The following SPTLC2 variants were observed in gnomAD, a reference collection of about 807,000 sequenced individuals.
The protein encoded by SPTLC2 is serine palmitoyltransferase 2.
In SPTLC2, 21 loss-of-function variants were observed where a neutral mutation model predicts 62.0. The ratio of observed to expected loss-of-function variants is 0.34; its 90% confidence interval spans 0.24 to 0.49. The LOEUF (loss-of-function observed/expected upper bound fraction) is 0.49. Among genes scored for constraint, SPTLC2 ranks in the 20% least tolerant of loss-of-function variants. The pLI is 0.99. For missense variants in SPTLC2, 511 were observed against 713.0 expected, an observed-to-expected ratio of 0.72 and a Z score of 3.23; for synonymous variants, 261 against 261.8, an observed-to-expected ratio of 1.00 and a Z score of 0.03.
At chr14:77,578,889 C>A in intron 3 of SPTLC2, 66 bp downstream of exon 3, 1 of 1,539,860 alleles carries the variant, frequency 6.5e-7, no homozygotes, top group Non-Finnish European at 9.0e-7. Flanking sequence ...TTTATAATAA[C>A]ATATTTTCTC....
intron 5 of SPTLC2, among the ~76,000 whole-genome samples, chr14:77,565,627 C>T (rs895167182): frequency 1.3e-5 from 2 of 152,108 alleles, no homozygotes; most frequent in Admixed American, 6.6e-5. Flanking sequence ...GGGACCAGTA[C>T]CCTTCAGAAG....
intron 8 of SPTLC2, among the ~76,000 whole-genome samples, chr14:77,553,456 G>C (rs536444837): frequency 3.9e-5 from 6 of 152,110 alleles, no homozygotes; most frequent in Non-Finnish European, 8.8e-5. Context: ...ACCTGGCCAG[G>C]TGCAGTGGCT....
intron 10 of SPTLC2, among the ~76,000 whole-genome samples, chr14:77,518,926 C>T (rs1486529972): frequency 1.3e-5 from 2 of 152,222 alleles, no homozygotes; most frequent in Admixed American, 6.5e-5. Flanking sequence ...CCACACAATT[C>T]GTATTTAACA....
intron 2 of SPTLC2, 38 bp downstream of exon 2, chr14:77,597,148 G>A: frequency 1.3e-6 from 2 of 1,597,022 alleles, no homozygotes; most frequent in Non-Finnish European, 1.7e-6. Flanking sequence ...TCCATAAAAG[G>A]CTTCTATTTA....
In SPTLC2 at chr14:77,506,224, A is replaced by T. The variant is rs558004017; in HGVS notation, c.*6060T>A. 2.6e-5 allele frequency: 4 copies of T among 152,346 alleles called. No homozygotes were observed. The highest frequency in any genetic ancestry group is 9.6e-5 in the African/African-American group (4 of 41,574). The allele number at this position is 152,346 out of a possible 1,614,324, so 9.4% of individuals were successfully genotyped here. On this transcript the variant is annotated 3_prime_UTR_variant, in exon 12 of 12. Coordinates refer to ENST00000216484, the MANE Select transcript of SPTLC2 (RefSeq NM_004863.4). The stretch of plus-strand genomic sequence containing the variant: ...ACAGGGTAAGAGAGAGTGACATTTT[A>T]ACACATTACTAAAATGTTTAAGCTT...
At chr14:77,582,717 A>G (rs1384676243) in intron 2 of SPTLC2, among the ~76,000 whole-genome samples, 1 of 152,220 alleles carries the variant, frequency 6.6e-6, no homozygotes, top group East Asian at 1.9e-4. Flanking sequence ...TCTCCTTAAC[A>G]AGTGATTAAG....
At chr14:77,535,886 T>C (rs988605089) in intron 9 of SPTLC2, 1 of 439,754 alleles carries the variant, frequency 2.3e-6, no homozygotes, top group African/African-American at 2.0e-5. Context: ...AGTAGACAGG[T>C]TCAAAGATAT....
intron 2 of SPTLC2, among the ~76,000 whole-genome samples, chr14:77,591,243 C>T (rs2079814714): frequency 6.6e-6 from 1 of 152,194 alleles, no homozygotes; most frequent in Non-Finnish European, 1.5e-5. Context: ...ATCCCATTTA[C>T]ATGAAACATC....
chr14:77,583,025 C>T lies in SPTLC2; in HGVS notation c.328-3916G>A, dbSNP rs894703703. 2.6e-5 allele frequency among the ~76,000 whole-genome samples: 4 copies of T among 151,896 alleles called. 1 individual carries two copies. In the South Asian group the frequency reaches 8.3e-4, roughly 32 times the overall value. On this transcript the variant is annotated intron_variant, in intron 2 of 11. Transcript: ENST00000216484. ...GACCAGCCTGGGCAATGTAGTGAAA[C>T]TCTGTCACTACAAAAAATACAAAAA...
intron 9 of SPTLC2, among the ~76,000 whole-genome samples, chr14:77,551,286 C>T (rs903535760): frequency 6.8e-5 from 10 of 146,290 alleles, no homozygotes; most frequent in South Asian, 4.5e-4. Flanking sequence ...CCCAGCTACT[C>T]GGGAGGCTGA....
At chr14:77,602,869 C>G (rs981358821) in intron 1 of SPTLC2, among the ~76,000 whole-genome samples, 1 of 152,152 alleles carries the variant, frequency 6.6e-6, no homozygotes, top group Non-Finnish European at 1.5e-5. Context: ...CCACTGTGCC[C>G]AGCCTAGTCT....
In SPTLC2 at chr14:77,616,625, A is replaced by G; in HGVS notation, c.-46T>C. 2.6e-6 allele frequency: 4 copies of G among 1,520,766 alleles called. No homozygotes were observed. The highest frequency in any genetic ancestry group is 3.5e-6 in the Non-Finnish European group (4 of 1,135,294). The allele number at this position is 1,520,766 out of a possible 1,614,324, so 94.2% of individuals were successfully genotyped here. On this transcript the variant is annotated 5_prime_UTR_variant, in exon 1 of 12. Transcript: ENST00000216484. ...CAAGGCAGGCTCTGTAGGCGGTGGC[A>G]GCGGCGGCGGCTGCTCCAAGTCCCG...
At chr14:77,582,528 G>A (rs1203113576) in intron 2 of SPTLC2, among the ~76,000 whole-genome samples, 1 of 152,040 alleles carries the variant, frequency 6.6e-6, no homozygotes, top group Non-Finnish European at 1.5e-5. Context: ...ATACCAGAGG[G>A]ATTATCAAAC....
At chr14:77,562,375 T>C (rs2079619445) in intron 6 of SPTLC2, 21 bp downstream of exon 6, 2 of 1,610,882 alleles carry the variant, frequency 1.2e-6, no homozygotes, top group Non-Finnish European at 1.7e-6. Context: ...AGGCCAGCAG[T>C]GAATTCTTCA....
At position 77,583,474 on chromosome 14, in the gene SPTLC2, G is replaced by A. The variant is rs542873580; in HGVS notation, c.328-4365C>T. Among the ~76,000 whole-genome samples the A allele has an allele frequency of 3.3e-5, 5 of 152,114 alleles. No individual in the cohort carries two copies. In the East Asian group the frequency reaches 9.6e-4, roughly 29 times the overall value. ...CTTAGTGAGTACTCGATACATACTG[G>A]GTTGTATGCCAGACTTTCAGGATAC... On this transcript the variant is annotated intron_variant, in intron 2 of 11. Transcript: ENST00000216484.
rs563539684 is a variant in SPTLC2, at chr14:77,563,933, G to A, written c.757-1444C>T. Among the ~76,000 whole-genome samples the A allele has an allele frequency of 6.0e-3, 905 of 151,078 alleles. 10 individuals carry two copies. Among genetic ancestry groups the A allele is most frequent in the African/African-American group, 0.022 (873 of 40,522 alleles). On this transcript the variant is annotated intron_variant, in intron 5 of 11. Transcript: ENST00000216484. ...ACATAGTATTTATTAAGATAAAAAA[G>A]CTACCTGGTTAAAAATGTACAGATT...
At chr14:77,545,242 G>A (rs1388951249) in intron 9 of SPTLC2, among the ~76,000 whole-genome samples, 2 of 150,882 alleles carry the variant, frequency 1.3e-5, no homozygotes, top group African/African-American at 2.4e-5. Context: ...TTTCAAATCC[G>A]GCAAGCTCTT....
intron 2 of SPTLC2, among the ~76,000 whole-genome samples, chr14:77,579,393 T>C (rs1315411024): frequency 6.6e-6 from 1 of 152,126 alleles, no homozygotes; most frequent in Non-Finnish European, 1.5e-5. Flanking sequence ...AAACAAACTT[T>C]ACAACTTCCA....
chr14:77,529,250 CTTCT>C lies in SPTLC2; in HGVS notation c.1304-7673_1304-7670del, dbSNP rs869149409. Among the ~76,000 whole-genome samples the C allele has an allele frequency of 3.9e-3, 417 of 107,392 alleles. 1 individual carries two copies. The highest frequency in any genetic ancestry group is 0.036 in the Middle Eastern group (8 of 224). The allele number at this position is 107,392 out of a possible 152,430, so 70.5% of individuals were successfully genotyped here. On this transcript the variant is annotated intron_variant, in intron 9 of 11. Coordinates refer to ENST00000216484, the MANE Select transcript of SPTLC2 (RefSeq NM_004863.4). Reference sequence around the variant, plus strand: ...CTGTGAAGTTTCTCTTTGAAAACTTCTTCTTTTTTTTTTTTTTTTTTTTTTAACA... The same window carrying C: ...CTGTGAAGTTTCTCTTTGAAAACTTCTTTTTTTTTTTTTTTTTTTTTAACA...
Sources: gnomAD v4.1 joint callset for allele counts (sites outside exome capture counted in the v4.1 genomes callset) on GRCh38, gnomAD v4.1.1 for gene constraint, MANE v1.5 for transcripts, NCBI Gene and HGNC (gene_info 2026-07-23, HGNC 2026-07-21) for gene names.